Variants in ATRN observed in about 807,000 individuals in gnomAD.
ATRN encodes attractin, also known as attractin-2.
Under a neutral mutation model 178.7 loss-of-function variants are expected in ATRN, and 54 were observed. That is an observed-to-expected ratio of 0.30 (90% CI 0.24 to 0.38). The LOEUF is 0.38. ATRN is among the 10% of genes least tolerant of loss of function. ATRN has a pLI of 1.00. For missense variants in ATRN, 1,443 were observed against 1,815.1 expected, an observed-to-expected ratio of 0.79 and a Z score of 3.73; for synonymous variants, 636 against 663.0, an observed-to-expected ratio of 0.96 and a Z score of 0.63.
chr20:3,595,873 G>C (rs2086521824), intron 20 of ATRN, among the ~76,000 whole-genome samples: 1 of 152,140 alleles, frequency 6.6e-6, no homozygotes. Context: ...TGGGGAAATT[G>C]TTTTCTGAGT....
At chr20:3,507,789 A>G (rs949593226) in intron 1 of ATRN, among the ~76,000 whole-genome samples, 45 of 150,212 alleles carry the variant, frequency 3.0e-4, no homozygotes, top group African/African-American at 9.8e-4. Context: ...GGTTCAAGCA[A>G]TTCTCCTGCC....
intron 15 of ATRN, 62 bp from the exon 16 acceptor site, chr20:3,582,073 C>T (rs2086289038): frequency 2.0e-6 from 3 of 1,479,474 alleles, no homozygotes; most frequent in Non-Finnish European, 1.9e-6. Flanking sequence ...GACTCCATCT[C>T]CAAAATTTAA....
At chr20:3,563,420 G>A (rs1279579066) in intron 10 of ATRN, 57 bp downstream of exon 10, 9 of 1,519,860 alleles carry the variant, frequency 5.9e-6, no homozygotes, top group South Asian at 1.3e-5. Flanking sequence ...ACTATAAGCA[G>A]CATTTAAAAG....
chr20:3,492,859 G>A (rs1321491030), intron 1 of ATRN, among the ~76,000 whole-genome samples: 4 of 122,120 alleles, frequency 3.3e-5, no homozygotes, highest in Non-Finnish European at 6.8e-5. Flanking sequence ...AGAGAGGCGC[G>A]CGCGCGCGTG....
intron 23 of ATRN, 83 bp from the exon 24 acceptor site, chr20:3,604,022 C>T (rs984340190): frequency 8.4e-7 from 1 of 1,186,722 alleles, no homozygotes; most frequent in Non-Finnish European, 1.2e-6. Context: ...TGCTATTGTC[C>T]TTATTATTAA....
chr20:3,505,446 C>T (rs993558203), intron 1 of ATRN, among the ~76,000 whole-genome samples: 4 of 152,166 alleles, frequency 2.6e-5, no homozygotes, highest in Admixed American at 2.6e-4. Flanking sequence ...GATAGCCTGT[C>T]GTGGGACTTC....
intron 27 of ATRN, among the ~76,000 whole-genome samples, chr20:3,642,407 C>T (rs2087076363): frequency 6.6e-6 from 1 of 152,242 alleles, no homozygotes; most frequent in African/African-American, 2.4e-5. Flanking sequence ...ATAACACCTC[C>T]ATCACCCTAG....
chr20:3,624,637 A>G (rs1450582618), intron 25 of ATRN, 65 bp downstream of exon 25: 3 of 1,227,098 alleles, frequency 2.4e-6, no homozygotes, highest in Non-Finnish European at 3.6e-6. Context: ...TTAATAGAGT[A>G]TCAGCTCCTA....
In ATRN at chr20:3,537,873, G is replaced by A. The variant is rs2085561593; in HGVS notation, c.495-2349G>A. Among the ~76,000 whole-genome samples, 3 of 147,214 alleles carry A rather than the reference G, an allele frequency of 2.0e-5. No individual in the cohort carries two copies. In the South Asian group the frequency reaches 6.6e-4, roughly 33 times the overall value. ...TTTTTATGGCTGCATAGTATTCCAT[G>A]GTGTATATGTGCCTCATTTTCTTTA... On this transcript the variant is annotated intron_variant, in intron 2 of 28. Coordinates refer to ENST00000262919, the MANE Select transcript of ATRN (RefSeq NM_139321.3).
chr20:3,605,540 T>C (rs1174093169), intron 24 of ATRN, among the ~76,000 whole-genome samples: 1 of 152,046 alleles, frequency 6.6e-6, no homozygotes, highest in Non-Finnish European at 1.5e-5. Context: ...ATAAAGAAAA[T>C]GTGGTACATA....
intron 14 of ATRN, among the ~76,000 whole-genome samples, chr20:3,578,378 G>C (rs574130497): frequency 6.6e-6 from 1 of 152,084 alleles, no homozygotes; most frequent in Non-Finnish European, 1.5e-5. Context: ...TTTAGGATCC[G>C]GGAGATATCA....
At chr20:3,598,891 A>G (rs2146283296) in intron 22 of ATRN, among the ~76,000 whole-genome samples, 1 of 152,382 alleles carries the variant, frequency 6.6e-6, no homozygotes, top group East Asian at 1.9e-4. Flanking sequence ...CAAATAATAC[A>G]TGGAAAACAA....
At chr20:3,582,747 A>G (rs2086298470) in intron 16 of ATRN, among the ~76,000 whole-genome samples, 1 of 152,230 alleles carries the variant, frequency 6.6e-6, no homozygotes, top group East Asian at 1.9e-4. Flanking sequence ...AAAGCAAGCA[A>G]GTGACTGCAG....
At chr20:3,490,305 G>A (rs918928528) in intron 1 of ATRN, 24 of 1,042,030 alleles carry the variant, frequency 2.3e-5, no homozygotes, top group Admixed American at 8.4e-5. Flanking sequence ...GCTCCAGCAT[G>A]GGTCAGAGCG....
intron 4 of ATRN, 79 bp downstream of exon 4, chr20:3,545,969 T>A: frequency 6.8e-7 from 1 of 1,467,304 alleles, no homozygotes; most frequent in Admixed American, 1.7e-5. Context: ...ATGGCTAACA[T>A]AGATTGAGAG....
At chr20:3,628,811 C>T in intron 25 of ATRN, 1 of 861,284 alleles carries the variant, frequency 1.2e-6, no homozygotes, top group Non-Finnish European at 1.4e-6. Context: ...TTCCAGCCGT[C>T]TCTGACCCAT....
intron 2 of ATRN, among the ~76,000 whole-genome samples, chr20:3,539,483 CAGAAAGAGAAT>C (rs2085588030): frequency 1.5e-5 from 2 of 130,434 alleles, no homozygotes; most frequent in Non-Finnish European, 3.4e-5. Context: ...GAAAGAGAAA[CAGAAAGAGAAT>C]TTTGGAAAAT....
At chr20:3,629,390 C>T in intron 25 of ATRN, 1 of 778,548 alleles carries the variant, frequency 1.3e-6, no homozygotes, top group Non-Finnish European at 1.6e-6. Context: ...AGCACAAGCT[C>T]TTTCCCTACA....
chr20:3,584,602 C>A, intron 17 of ATRN, 45 bp from the exon 18 acceptor site: 2 of 1,392,780 alleles, frequency 1.4e-6, no homozygotes, highest in South Asian at 2.5e-5. Flanking sequence ...ACAGTGAATT[C>A]AGATCTACCT....
Sources: gnomAD v4.1 joint callset for allele counts (sites outside exome capture counted in the v4.1 genomes callset) on GRCh38, gnomAD v4.1.1 for gene constraint, MANE v1.5 for transcripts, NCBI Gene and HGNC (gene_info 2026-07-23, HGNC 2026-07-21) for gene names.